The following RFPL1 variants were observed in gnomAD, a reference collection of about 807,000 sequenced individuals.
RFPL1 encodes the protein ret finger protein like 1.
In RFPL1, 6 loss-of-function variants were observed where a neutral mutation model predicts 9.6. That is an observed-to-expected ratio of 0.62 (90% confidence interval 0.34 to 1.23). RFPL1 has a LOEUF of 1.23. Ranked by LOEUF, RFPL1 falls within the 50% of genes most tolerant of loss-of-function variation. The probability of loss-of-function intolerance (pLI) is 0.03; values close to 1 mark genes in which losing one functional copy is unlikely to be tolerated. For synonymous variants in RFPL1, 145 were observed against 149.4 expected (o/e 0.97, Z 0.22); for missense variants, 352 against 398.4 (o/e 0.88, Z 0.99).
the RFPL1 span, among the ~76,000 whole-genome samples, chr22:29,405,072 T>C: frequency 1.3e-5 from 2 of 152,144 alleles, no homozygotes; most frequent in African/African-American, 4.8e-5. Flanking sequence ...TTAAATGCTA[T>C]TAACAAATCT....
At chr22:29,399,716 C>T in the RFPL1 span, among the ~76,000 whole-genome samples, 19 of 152,240 alleles carry the variant, frequency 1.2e-4, no homozygotes, top group Non-Finnish European at 2.4e-4. Flanking sequence ...ATAACACTCC[C>T]TGTGGCCCCT....
the RFPL1 span, among the ~76,000 whole-genome samples, chr22:29,417,167 C>T: frequency 0.2 from 30,654 of 151,636 alleles, 3,740 homozygotes; most frequent in Non-Finnish European, 0.28. Context: ...CTGATGAGGC[C>T]GACTCGCTCT....
the RFPL1 span, among the ~76,000 whole-genome samples, chr22:29,397,864 G>A: frequency 1.3e-5 from 2 of 152,296 alleles, no homozygotes; most frequent in South Asian, 4.1e-4. Context: ...TCTCCAGCCC[G>A]GGCCTTGGCT....
the RFPL1 span, among the ~76,000 whole-genome samples, chr22:29,399,613 C>G: frequency 6.6e-6 from 1 of 152,234 alleles, no homozygotes; most frequent in Non-Finnish European, 1.5e-5. Context: ...TGTCACCTAA[C>G]TGTCCTCAAA....
chr22:29,409,774 A>G, the RFPL1 span, among the ~76,000 whole-genome samples: 1 of 152,146 alleles, frequency 6.6e-6, no homozygotes, highest in Non-Finnish European at 1.5e-5. Flanking sequence ...CTGGAACATC[A>G]AGGGAATATC....
chr22:29,404,886 C>T, the RFPL1 span, among the ~76,000 whole-genome samples: 1 of 152,130 alleles, frequency 6.6e-6, no homozygotes, highest in African/African-American at 2.4e-5. Context: ...ACTACCACAC[C>T]TGGCTAATTT....
At chr22:29,388,085 A>AT in the RFPL1 span, among the ~76,000 whole-genome samples, 1 of 152,146 alleles carries the variant, frequency 6.6e-6, no homozygotes, top group Admixed American at 6.5e-5. Flanking sequence ...AGGCCTCAGG[A>AT]TGGCCATGGA....
At chr22:29,388,225 G>A in the RFPL1 span, among the ~76,000 whole-genome samples, 4 of 152,154 alleles carry the variant, frequency 2.6e-5, no homozygotes, top group African/African-American at 9.6e-5. Flanking sequence ...GGCGGCCGAG[G>A]AACAGGCCGG....
chr22:29,398,100 G>A, the RFPL1 span, among the ~76,000 whole-genome samples: 1 of 152,212 alleles, frequency 6.6e-6, no homozygotes, highest in East Asian at 1.9e-4. Context: ...GCAGCTGGTG[G>A]TACGAAGCTG....
At chr22:29,404,960 C>A in the RFPL1 span, among the ~76,000 whole-genome samples, 1 of 152,152 alleles carries the variant, frequency 6.6e-6, no homozygotes, top group African/African-American at 2.4e-5. Flanking sequence ...AAACTTCTGA[C>A]CTCAAGCAAT....
At chr22:29,418,318 A>G in the RFPL1 span, among the ~76,000 whole-genome samples, 2 of 152,140 alleles carry the variant, frequency 1.3e-5, no homozygotes, top group African/African-American at 2.4e-5. Flanking sequence ...GCCGCTCTAC[A>G]CACGACCTGC....
chr22:29,410,620 T>A, the RFPL1 span, among the ~76,000 whole-genome samples: 32 of 139,330 alleles, frequency 2.3e-4, no homozygotes, highest in Middle Eastern at 3.7e-3. Flanking sequence ...TATCTATCTA[T>A]ATATAGATAG....
At chr22:29,418,372 T>C in the RFPL1 span, among the ~76,000 whole-genome samples, 1 of 152,132 alleles carries the variant, frequency 6.6e-6, no homozygotes, top group African/African-American at 2.4e-5. Flanking sequence ...GGTGACAAAT[T>C]AGAGAAATCC....
At chr22:29,402,822 G>C in the RFPL1 span, among the ~76,000 whole-genome samples, 28,590 of 140,954 alleles carry the variant, frequency 0.2, 3,069 homozygotes, top group African/African-American at 0.25. Flanking sequence ...ACTTTTCTCA[G>C]GACTGGAAAG....
the RFPL1 span, among the ~76,000 whole-genome samples, chr22:29,424,838 C>G: frequency 2.7e-4 from 29 of 108,750 alleles, 4 homozygotes; most frequent in Admixed American, 1.7e-3. Context: ...CTCCCACCCC[C>G]CCCCCCGCAA....
the RFPL1 span, among the ~76,000 whole-genome samples, chr22:29,410,361 G>GAT: frequency 2.0e-4 from 17 of 86,974 alleles, 3 homozygotes; most frequent in Admixed American, 7.0e-4. Flanking sequence ...TATATATGTA[G>GAT]ATATATATAT....
chr22:29,410,208 A>G, the RFPL1 span, among the ~76,000 whole-genome samples: 63 of 141,074 alleles, frequency 4.5e-4, no homozygotes, highest in Admixed American at 1.4e-3. Flanking sequence ...TACCTCTGTA[A>G]GTATATCTAT....
the RFPL1 span, among the ~76,000 whole-genome samples, chr22:29,413,907 C>A: frequency 1.5e-3 from 227 of 152,240 alleles, no homozygotes; most frequent in African/African-American, 5.1e-3. Context: ...ATTTTTGTAA[C>A]CTTTTAATGT....
the RFPL1 span, among the ~76,000 whole-genome samples, chr22:29,424,754 G>A: frequency 7.0e-4 from 106 of 150,688 alleles, no homozygotes; most frequent in African/African-American, 2.1e-3. Context: ...CCCAGGAGGC[G>A]GAGGTTGCAG....
Sources: allele counts gnomAD v4.1 joint callset (sites outside exome capture counted in the v4.1 genomes callset), GRCh38; gene constraint gnomAD v4.1.1; transcripts MANE v1.5; gene names NCBI Gene and HGNC (gene_info 2026-07-23, HGNC 2026-07-21).